The following UBR3 variants were observed in gnomAD, a reference collection of about 807,000 sequenced individuals.
UBR3 encodes the protein ubiquitin protein ligase E3 component n-recognin 3.
Under a neutral mutation model 243.2 loss-of-function variants are expected in UBR3, and 85 were observed. That is an observed-to-expected ratio of 0.35 (90% CI 0.29 to 0.42). UBR3 has a LOEUF of 0.42. Ranked by LOEUF, UBR3 falls within the 10% of genes least tolerant of loss-of-function variation. The probability of loss-of-function intolerance (pLI) is 1.00; values close to 1 mark genes in which losing one functional copy is unlikely to be tolerated. For missense variants in UBR3, 1,686 were observed against 2,300.8 expected, an observed-to-expected ratio of 0.73 and a Z score of 5.47; for synonymous variants, 748 against 799.8, an observed-to-expected ratio of 0.94 and a Z score of 1.09.
At position 169,930,479 on chromosome 2, in the gene UBR3, T is replaced by C. The variant is rs925061429; in HGVS notation, c.2566+1611T>C. 5.3e-5 allele frequency among the ~76,000 whole-genome samples: 8 copies of C among 152,034 alleles called. No individual in the cohort carries two copies. In the East Asian group the frequency reaches 1.6e-3, roughly 30 times the overall value. On this transcript the variant is annotated intron_variant, in intron 18 of 38. Coordinates refer to ENST00000272793, the MANE Select transcript of UBR3 (RefSeq NM_172070.4). ...ATAGCTCACTGCACCCTTGACCTACTGGGCTCAAGTGGTCCTGCCACCTCA... is the reference window on the plus strand; with the variant it reads ...ATAGCTCACTGCACCCTTGACCTACCGGGCTCAAGTGGTCCTGCCACCTCA...
chr2:169,877,170 C>G (rs567305716), intron 3 of UBR3, among the ~76,000 whole-genome samples: 1 of 152,318 alleles, frequency 6.6e-6, no homozygotes, highest in East Asian at 1.9e-4. Flanking sequence ...TATTACCTCT[C>G]TGACTTTCTT....
chr2:169,953,579 T>C (rs559734375), intron 23 of UBR3, among the ~76,000 whole-genome samples: 1 of 152,332 alleles, frequency 6.6e-6, no homozygotes, highest in East Asian at 1.9e-4. Context: ...TTTATTTACA[T>C]TTATGCCCAT....
chr2:169,835,993 G>GTCCCCCTCTCTCTCTCTC (rs1194152380), intron 1 of UBR3, among the ~76,000 whole-genome samples: 5 of 30,730 alleles, frequency 1.6e-4, no homozygotes, highest in African/African-American at 5.4e-4. Flanking sequence ...TGTGTGCACT[G>GTCCCCCTCTCTCTCTCTC]TCTCTCTCTC....
At chr2:169,881,194 T>A (rs2083806771) in intron 5 of UBR3, among the ~76,000 whole-genome samples, 1 of 152,156 alleles carries the variant, frequency 6.6e-6, no homozygotes. Flanking sequence ...TTATTTATTT[T>A]TTTGAGATAG....
chr2:170,029,287 A>G (rs2090609025), intron 30 of UBR3, 59 bp from the exon 31 acceptor site: 3 of 1,393,924 alleles, frequency 2.2e-6, no homozygotes, highest in East Asian at 4.8e-5. Context: ...ATTTTGTCTG[A>G]ATTTTGTTCT....
chr2:170,018,373 C>T (rs1243452828), intron 30 of UBR3, among the ~76,000 whole-genome samples: 1 of 152,158 alleles, frequency 6.6e-6, no homozygotes, highest in Non-Finnish European at 1.5e-5. Flanking sequence ...CTTGCTCTTG[C>T]TATGAGCCAT....
chr2:170,074,843 G>T (rs1018497534), intron 36 of UBR3, among the ~76,000 whole-genome samples: 1 of 152,022 alleles, frequency 6.6e-6, no homozygotes, highest in Non-Finnish European at 1.5e-5. Context: ...CTGAATGGGG[G>T]CTCCACGAAG....
intron 8 of UBR3, among the ~76,000 whole-genome samples, chr2:169,903,998 A>G: frequency 6.6e-6 from 1 of 152,198 alleles, no homozygotes; most frequent in East Asian, 1.9e-4. Context: ...TCTTTTTTAT[A>G]AATAGCACAT....
At chr2:169,869,987 A>G (rs1303275277) in intron 1 of UBR3, among the ~76,000 whole-genome samples, 1 of 152,026 alleles carries the variant, frequency 6.6e-6, no homozygotes, top group Non-Finnish European at 1.5e-5. Context: ...TGATTTACAT[A>G]GTCAGTTTTT....
chr2:170,045,499 T>C (rs553142337), intron 32 of UBR3, among the ~76,000 whole-genome samples: 1 of 152,258 alleles, frequency 6.6e-6, no homozygotes, highest in South Asian at 2.1e-4. Flanking sequence ...CAAGATTCTA[T>C]AGAGCATTTG....
chr2:169,984,922 A>C (rs2088926630), intron 24 of UBR3, among the ~76,000 whole-genome samples: 1 of 152,076 alleles, frequency 6.6e-6, no homozygotes, highest in African/African-American at 2.4e-5. Flanking sequence ...GTTTCTTTTA[A>C]AAACTAGAAA....
At chr2:169,882,298 TTATG>T (rs1488843465) in intron 5 of UBR3, among the ~76,000 whole-genome samples, 3 of 140,314 alleles carry the variant, frequency 2.1e-5, no homozygotes, top group South Asian at 2.1e-4. Context: ...TATTGTATAT[TTATG>T]TATATTATAT....
rs566654697 is a variant in UBR3, at chr2:170,029,359, T to C, written c.4467T>C (p.His1489=). 13 of 1,603,850 alleles carry C rather than the reference T, an allele frequency of 8.1e-6. No homozygotes were observed. The African/African-American group carries it at 1.6e-4, about 20-fold the overall frequency. ...CAATTTTTTCAGATCAGCTGTTTCATGTATTAGCCTTGCACATGCGGCTTT... is the reference window on the plus strand; with the variant it reads ...CAATTTTTTCAGATCAGCTGTTTCACGTATTAGCCTTGCACATGCGGCTTT... The part of the protein sequence containing the change: ...GKRSCLNQLF[H]VLALHMRLYS... Residue 1489 remains histidine (H), a synonymous_variant, in exon 31 of 39, where the codon CAT becomes CAC. Transcript: ENST00000272793.
chr2:169,858,487 G>A (rs866104862), intron 1 of UBR3, among the ~76,000 whole-genome samples: 1 of 152,126 alleles, frequency 6.6e-6, no homozygotes, highest in Admixed American at 6.6e-5. Flanking sequence ...GGGCTTGAAA[G>A]AGTTTATTTC....
chr2:169,880,559 A>G (rs1388647580), intron 5 of UBR3, among the ~76,000 whole-genome samples: 1 of 152,176 alleles, frequency 6.6e-6, no homozygotes, highest in Non-Finnish European at 1.5e-5. Flanking sequence ...ACTGCATTGC[A>G]ACAACATTCT....
chr2:169,847,109 G>C (rs1343897679), intron 1 of UBR3, among the ~76,000 whole-genome samples: 1 of 56,786 alleles, frequency 1.8e-5, no homozygotes, highest in African/African-American at 5.7e-5. Context: ...GTGTGTGTGT[G>C]TGTGTGTGTG....
At chr2:169,859,301 G>A (rs2083002440) in intron 1 of UBR3, among the ~76,000 whole-genome samples, 1 of 152,090 alleles carries the variant, frequency 6.6e-6, no homozygotes, top group Non-Finnish European at 1.5e-5. Context: ...TCGATCTCCT[G>A]ACCTCGTGAT....
intron 27 of UBR3, among the ~76,000 whole-genome samples, chr2:170,004,779 C>G (rs1007477586): frequency 6.6e-6 from 1 of 151,950 alleles, no homozygotes. Context: ...GGTGTGGTGG[C>G]GAGTGCCTGT....
intron 10 of UBR3, among the ~76,000 whole-genome samples, chr2:169,910,918 C>A (rs891218574): frequency 1.3e-5 from 2 of 152,050 alleles, no homozygotes; most frequent in Non-Finnish European, 2.9e-5. Flanking sequence ...GCAGTGCTGT[C>A]AGGGTTTAGA....
Sources: allele counts gnomAD v4.1 joint callset (sites outside exome capture counted in the v4.1 genomes callset), GRCh38; gene constraint gnomAD v4.1.1; transcripts MANE v1.5; gene names NCBI Gene and HGNC (gene_info 2026-07-23, HGNC 2026-07-21).